Variants in SPPL3 observed in about 807,000 individuals in gnomAD.
The protein encoded by SPPL3 is signal peptide peptidase like 3.
SPPL3 carries 5 observed loss-of-function variants against 42.4 expected under a neutral mutation model. The ratio of observed to expected loss-of-function variants is 0.12; its 90% confidence interval spans 0.06 to 0.25. The LOEUF is 0.25. Among genes scored for constraint, SPPL3 ranks in the 10% least tolerant of loss-of-function variants. The pLI is 1.00. For synonymous variants in SPPL3, 195 were observed against 181.8 expected, an observed-to-expected ratio of 1.07 and a Z score of -0.58; for missense variants, 235 against 489.0, an observed-to-expected ratio of 0.48 and a Z score of 4.90.
intron 6 of SPPL3, among the ~76,000 whole-genome samples, chr12:120,775,229 C>A (rs1869272584): frequency 6.6e-6 from 1 of 152,192 alleles, no homozygotes; most frequent in Non-Finnish European, 1.5e-5. Context: ...CAGCTCACTG[C>A]AACCCCTGCC....
At chr12:120,840,206 G>A (rs1421211576) in intron 1 of SPPL3, among the ~76,000 whole-genome samples, 7 of 150,114 alleles carry the variant, frequency 4.7e-5, no homozygotes, top group Non-Finnish European at 8.9e-5. Flanking sequence ...TGAACCCGGC[G>A]GGTGGAGGCT....
rs752996052 is a variant in SPPL3, at chr12:120,791,460, A to G, written c.190+9T>C. On this transcript the variant is annotated intron_variant, in intron 3 of 10. Transcript: ENST00000353487. The stretch of plus-strand genomic sequence containing the variant: ...ATGTACAGAAGTTAATTGACATAAA[A>G]TATCTTACTATTATTGGTGCTGTTG... The G allele has an allele frequency of 8.3e-6, 13 of 1,573,248 alleles. No homozygotes were observed. Among genetic ancestry groups the G allele is most frequent in the Middle Eastern group, 1.9e-4 (1 of 5,262 alleles).
At chr12:120,798,237 A>T (rs1007744937) in intron 2 of SPPL3, among the ~76,000 whole-genome samples, 1 of 152,102 alleles carries the variant, frequency 6.6e-6, no homozygotes, top group African/African-American at 2.4e-5. Flanking sequence ...TTTTTATTTT[A>T]AAAAAGCCTT....
At chr12:120,829,224 T>C (rs1338349905) in intron 1 of SPPL3, among the ~76,000 whole-genome samples, 1 of 152,104 alleles carries the variant, frequency 6.6e-6, no homozygotes, top group Non-Finnish European at 1.5e-5. Context: ...TTTGTGACAT[T>C]GGGTTAGGTT....
intron 2 of SPPL3, among the ~76,000 whole-genome samples, chr12:120,810,171 G>A (rs186255979): frequency 9.5e-4 from 144 of 151,998 alleles, no homozygotes; most frequent in African/African-American, 3.4e-3. Context: ...TTGTAGAGAC[G>A]GGGTCTTGCT....
Position 120,903,871 on chromosome 12 carries a change from G to A in SPPL3, c.-4C>T, listed in dbSNP as rs1191927838. 2 of 1,444,898 alleles carry A rather than the reference G, an allele frequency of 1.4e-6. No homozygotes were observed. Among genetic ancestry groups the A allele is most frequent in the South Asian group, 2.7e-5 (2 of 73,942 alleles). The allele number at this position is 1,444,898 out of a possible 1,614,324, so 89.5% of individuals were successfully genotyped here. On this transcript the variant is annotated 5_prime_UTR_variant, in exon 1 of 11. Coordinates refer to ENST00000353487, the MANE Select transcript of SPPL3 (RefSeq NM_139015.5). ...ACGAGTAGGTCTGCTCCGCCATGGC[G>A]CTGCCTCTCGTGGGCTCCGCTGCAG...
intron 1 of SPPL3, among the ~76,000 whole-genome samples, chr12:120,886,229 C>A (rs1388707174): frequency 6.6e-6 from 1 of 152,100 alleles, no homozygotes; most frequent in Non-Finnish European, 1.5e-5. Flanking sequence ...CAACAGCCCA[C>A]TCTGAAATCT....
intron 1 of SPPL3, among the ~76,000 whole-genome samples, chr12:120,885,728 G>C (rs1873432035): frequency 1.3e-5 from 2 of 152,018 alleles, no homozygotes; most frequent in African/African-American, 4.8e-5. Flanking sequence ...TTGCCTCCAG[G>C]AGCTAGGTAA....
chr12:120,768,561 T>A, intron 7 of SPPL3, 73 bp from the exon 8 acceptor site: 1 of 1,491,478 alleles, frequency 6.7e-7, no homozygotes, highest in Non-Finnish European at 9.1e-7. Flanking sequence ...CCCTCCTTGC[T>A]CTTAAGAGCA....
intron 1 of SPPL3, among the ~76,000 whole-genome samples, chr12:120,893,225 C>T (rs1151863): frequency 0.24 from 36,957 of 151,012 alleles, 5,600 homozygotes; most frequent in Non-Finnish European, 0.35. Flanking sequence ...CCGAGGTGGG[C>T]GGATCATGAG....
In SPPL3 at chr12:120,764,881, C is replaced by T. The variant is rs572466767; in HGVS notation, c.*118G>A. 80 of 1,074,788 alleles carry T rather than the reference C, an allele frequency of 7.4e-5. No homozygotes were observed. Among genetic ancestry groups the T allele is most frequent in the East Asian group, 1.4e-4 (5 of 36,330 alleles). The allele number at this position is 1,074,788 out of a possible 1,614,324, so 66.6% of individuals were successfully genotyped here. On this transcript the variant is annotated 3_prime_UTR_variant, in exon 11 of 11. Coordinates refer to ENST00000353487, the MANE Select transcript of SPPL3 (RefSeq NM_139015.5). The stretch of plus-strand genomic sequence containing the variant: ...CCTTTAAATGCCAAATCCAGTCACA[C>T]GGCAGTTCCTTAAACACAGGTACAT...
At chr12:120,781,567 T>G (rs4767936) in intron 6 of SPPL3, among the ~76,000 whole-genome samples, 15,946 of 52,654 alleles carry the variant, frequency 0.3, 1,457 homozygotes, top group South Asian at 0.47. Flanking sequence ...TTTTTTTTTT[T>G]TTTTTTTTTT....
rs182805430 is a variant in SPPL3 at position 120,870,892 on chromosome 12, C to T, written c.23+32953G>A. 1.7e-3 allele frequency among the ~76,000 whole-genome samples: 265 copies of T among 151,834 alleles called. 2 individuals carry two copies. The highest frequency in any genetic ancestry group is 6.0e-3 in the African/African-American group (250 of 41,414). On this transcript the variant is annotated intron_variant, in intron 1 of 10. Coordinates refer to ENST00000353487, the MANE Select transcript of SPPL3 (RefSeq NM_139015.5). ...GTTTAAGAAGATGAACTTTGGGAGG[C>T]GGAGGCGGGCAGATTGCCTCAGCTC...
chr12:120,874,530 A>T (rs549321874), intron 1 of SPPL3, among the ~76,000 whole-genome samples: 1 of 152,102 alleles, frequency 6.6e-6, no homozygotes, highest in Non-Finnish European at 1.5e-5. Context: ...ATAATAATGT[A>T]TTGTGTAACA....
Position 120,809,339 on chromosome 12 carries a change from C to T in SPPL3, c.101+1470G>A, listed in dbSNP as rs149437982. Among the ~76,000 whole-genome samples the T allele has an allele frequency of 8.5e-3, 1,283 of 150,512 alleles. 8 individuals carry two copies. Among genetic ancestry groups the T allele is most frequent in the Non-Finnish European group, 0.015 (1,037 of 67,742 alleles). The stretch of plus-strand genomic sequence containing the variant: ...CAGCCTGGGCAACAGAGTGAGACTC[C>T]GTCTCAAAAAAAAAAACACCAAAAA... On this transcript the variant is annotated intron_variant, in intron 2 of 10. Transcript: ENST00000353487.
chr12:120,788,218 C>A (rs564866213), intron 3 of SPPL3, among the ~76,000 whole-genome samples: 1 of 152,144 alleles, frequency 6.6e-6, no homozygotes, highest in Non-Finnish European at 1.5e-5. Flanking sequence ...TGGTGGTGGG[C>A]ATGTAGTGCT....
At chr12:120,814,077 T>C (rs772662500) in intron 1 of SPPL3, among the ~76,000 whole-genome samples, 1 of 152,058 alleles carries the variant, frequency 6.6e-6, no homozygotes, top group African/African-American at 2.4e-5. Context: ...AAATAAAACA[T>C]GGGAGGGATA....
At chr12:120,797,870 T>C (rs539394520) in intron 2 of SPPL3, among the ~76,000 whole-genome samples, 269 of 152,304 alleles carry the variant, frequency 1.8e-3, no homozygotes, top group Non-Finnish European at 3.0e-3. Context: ...TTTGAAAGAC[T>C]TGCCCCTCTA....
chr12:120,773,416 C>T (rs1869193496), intron 6 of SPPL3, among the ~76,000 whole-genome samples: 1 of 152,188 alleles, frequency 6.6e-6, no homozygotes, highest in Non-Finnish European at 1.5e-5. Context: ...GAATGCAAGG[C>T]ATCAAGGGCA....
Sources: allele counts gnomAD v4.1 joint callset (sites outside exome capture counted in the v4.1 genomes callset), GRCh38; gene constraint gnomAD v4.1.1; transcripts MANE v1.5; gene names NCBI Gene and HGNC (gene_info 2026-07-23, HGNC 2026-07-21).